WIF1: variants seen among roughly 807,000 people sequenced by gnomAD.
WIF1 encodes the protein Wnt inhibitory factor 1.
WIF1 carries 35 observed loss-of-function variants against 53.5 expected under a neutral mutation model. The observed-to-expected ratio is 0.65, with a 90% CI of 0.50 to 0.87. The LOEUF is 0.87. Ranked by LOEUF, WIF1 falls within the 40% of genes least tolerant of loss-of-function variation. The pLI is 0.00. For missense variants in WIF1, 467 were observed against 476.8 expected (o/e 0.98, Z 0.19); for synonymous variants, 171 against 170.4 (o/e 1.00, Z -0.03).
In WIF1 at chr12:65,060,306, G is replaced by A. The variant is rs147894986; in HGVS notation, c.826+2175C>T. Among the ~76,000 whole-genome samples the A allele has an allele frequency of 2.4e-4, 36 of 152,294 alleles. No individual in the cohort carries two copies. The East Asian group carries it at 6.9e-3, about 29-fold the overall frequency. On this transcript the variant is annotated intron_variant, in intron 7 of 9. Coordinates refer to ENST00000286574, the MANE Select transcript of WIF1 (RefSeq NM_007191.5). ...GTGGAAACAACCCAAATGTCCAACA[G>A]CTGATAAATAAACAAAATGTGGTAA...
chr12:65,104,374 T>C (rs905786860), intron 2 of WIF1, among the ~76,000 whole-genome samples: 9 of 152,298 alleles, frequency 5.9e-5, no homozygotes, highest in African/African-American at 2.2e-4. Context: ...ACCCTTCATA[T>C]GCATGCAACA....
At position 65,083,232 on chromosome 12, in the gene WIF1, G is replaced by T. The variant is rs146623340; in HGVS notation, c.289-5378C>A. On this transcript the variant is annotated intron_variant, in intron 2 of 9. Coordinates refer to ENST00000286574, the MANE Select transcript of WIF1 (RefSeq NM_007191.5). ...TAAAGAGATGTAAAATAGATCGTAC[G>T]CTGTAAGTGAAGGGCCAGAAAAAAT... Among the ~76,000 whole-genome samples the T allele has an allele frequency of 9.0e-4, 137 of 152,244 alleles. 3 individuals carry two copies. In the East Asian group the frequency reaches 0.024, roughly 27 times the overall value.
At chr12:65,052,716 T>C (rs1882459348) in intron 9 of WIF1, among the ~76,000 whole-genome samples, 1 of 152,216 alleles carries the variant, frequency 6.6e-6, no homozygotes, top group South Asian at 2.1e-4. Flanking sequence ...CTTCTTGGCA[T>C]GCAATGCTTG....
chr12:65,095,802 G>A (rs1883194795), intron 2 of WIF1: 1 of 152,170 alleles, frequency 6.6e-6, no homozygotes, highest in Non-Finnish European at 1.5e-5. Context: ...GAGAAGGTTA[G>A]CATGGCCCCT....
chr12:65,110,410 C>T (rs529251591), intron 2 of WIF1, among the ~76,000 whole-genome samples: 4 of 152,306 alleles, frequency 2.6e-5, no homozygotes, highest in South Asian at 2.1e-4. Flanking sequence ...AACAGCTTCA[C>T]GAACATCCTT....
At chr12:65,099,177 A>G (rs1883245252) in intron 2 of WIF1, among the ~76,000 whole-genome samples, 1 of 152,174 alleles carries the variant, frequency 6.6e-6, no homozygotes, top group South Asian at 2.1e-4. Context: ...ACACATGTGA[A>G]CCTAGAAATT....
rs1882884184 is a variant in WIF1, at chr12:65,077,657, C to T, written c.397+89G>A. The T allele has an allele frequency of 6.3e-6, 6 of 949,340 alleles. No homozygotes were observed. The South Asian group carries it at 8.0e-5, about 13-fold the overall frequency. 58.8% of individuals were successfully genotyped at this position (949,340 alleles called of 1,614,324 possible). A position where few individuals can be genotyped will look rare whatever the true frequency, so the allele number is the denominator to read the frequency against. On this transcript the variant is annotated intron_variant, in intron 3 of 9. Transcript: ENST00000286574. The stretch of plus-strand genomic sequence containing the variant: ...ATGTCTTCAGGAAAACATTTCATAA[C>T]CTCTCTGATGTAGGACATTTGCATC...
chr12:65,115,461 T>C (rs1350548866), intron 2 of WIF1, among the ~76,000 whole-genome samples: 4 of 152,298 alleles, frequency 2.6e-5, no homozygotes, highest in Middle Eastern at 3.4e-3. Context: ...TTGAAAGCCA[T>C]TGGGCTTAGA....
intron 2 of WIF1, among the ~76,000 whole-genome samples, chr12:65,080,966 A>G (rs1882939841): frequency 6.6e-6 from 1 of 152,244 alleles, no homozygotes; most frequent in African/African-American, 2.4e-5. Context: ...AATATAATTT[A>G]ATTTAAAAAA....
chr12:65,077,790 G>A lies in WIF1; in HGVS notation c.353C>T (p.Thr118Ile). Residue 118 changes from threonine to isoleucine, a missense_variant, in exon 3 of 10, where the codon ACC (threonine) becomes ATC (isoleucine). By Grantham distance (89) the Thr-to-Ile change is moderately conservative. Transcript: ENST00000286574. ...TGTTCCCAGCAGAGGGACATTGACGGTTGGATCTGCCATGATGCCTTTATC... is the reference window on the plus strand; with the variant it reads ...TGTTCCCAGCAGAGGGACATTGACGATTGGATCTGCCATGATGCCTTTATC... ...SLDKGIMADP[T>I]VNVPLLGTVP... 6.2e-7 allele frequency: 1 copy of A among 1,613,910 alleles called. No individual in the cohort carries two copies. Among genetic ancestry groups the A allele is most frequent in the Non-Finnish European group, 8.5e-7 (1 of 1,179,870 alleles).
At chr12:65,110,787 T>C (rs1467288100) in intron 2 of WIF1, among the ~76,000 whole-genome samples, 1 of 152,210 alleles carries the variant, frequency 6.6e-6, no homozygotes, top group Non-Finnish European at 1.5e-5. Context: ...TGAGCTTACA[T>C]TGAATGGAAA....
chr12:65,095,027 G>A (rs1427507820), intron 2 of WIF1, among the ~76,000 whole-genome samples: 4 of 151,428 alleles, frequency 2.6e-5, no homozygotes, highest in African/African-American at 9.7e-5. Context: ...CCATCTCCTG[G>A]GCTCAAGCCA....
intron 2 of WIF1, among the ~76,000 whole-genome samples, chr12:65,098,906 C>A (rs1235997609): frequency 6.6e-6 from 1 of 152,130 alleles, no homozygotes; most frequent in African/African-American, 2.4e-5. Flanking sequence ...TCCTTGGTTT[C>A]CTCATCTGAA....
Position 65,098,145 on chromosome 12 carries a change from T to C in WIF1, c.289-20291A>G, listed in dbSNP as rs539184042. Among the ~76,000 whole-genome samples the C allele has an allele frequency of 1.3e-4, 20 of 152,254 alleles. No individual in the cohort carries two copies. In the South Asian group the frequency reaches 4.2e-3, roughly 32 times the overall value. ...ATTTATGAACACAGACTTTTAGAAA[T>C]AGGTTAACATAGGGTCAGGCCAATT... is the stretch of plus-strand genomic sequence containing the variant. On this transcript the variant is annotated intron_variant, in intron 2 of 9. Coordinates refer to ENST00000286574, the MANE Select transcript of WIF1 (RefSeq NM_007191.5).
At chr12:65,059,074 G>A (rs917004358) in intron 7 of WIF1, among the ~76,000 whole-genome samples, 15 of 151,040 alleles carry the variant, frequency 9.9e-5, no homozygotes, top group African/African-American at 3.6e-4. Flanking sequence ...AAAAAAAATA[G>A]ACTAAGCCCT....
chr12:65,115,905 A>G (rs1883501862), intron 2 of WIF1, among the ~76,000 whole-genome samples: 2 of 152,240 alleles, frequency 1.3e-5, no homozygotes, highest in South Asian at 4.1e-4. Context: ...ACGATGACCC[A>G]TGAAAATCAT....
intron 2 of WIF1, 111 bp from the exon 3 acceptor site, chr12:65,077,965 C>T: frequency 1.3e-6 from 1 of 775,746 alleles, no homozygotes; most frequent in Non-Finnish European, 2.2e-6. Context: ...TACAGGAACT[C>T]TGGAGCACAC....
At chr12:65,083,321 C>A (rs1370940968) in intron 2 of WIF1, among the ~76,000 whole-genome samples, 1 of 152,108 alleles carries the variant, frequency 6.6e-6, no homozygotes, top group Non-Finnish European at 1.5e-5. Flanking sequence ...AATAAGCATG[C>A]CCAATGATTA....
At chr12:65,080,084 G>A (rs1882924922) in intron 2 of WIF1, among the ~76,000 whole-genome samples, 1 of 152,240 alleles carries the variant, frequency 6.6e-6, no homozygotes, top group Middle Eastern at 3.4e-3. Context: ...CTTCACATGA[G>A]GATAATAATG....
Sources: allele counts gnomAD v4.1 joint callset (sites outside exome capture counted in the v4.1 genomes callset), GRCh38; gene constraint gnomAD v4.1.1; transcripts MANE v1.5; gene names NCBI Gene and HGNC (gene_info 2026-07-23, HGNC 2026-07-21).